CTNNA2: variants seen among roughly 807,000 people sequenced by gnomAD.
CTNNA2 encodes the protein catenin alpha-2.
Under a neutral mutation model 101.0 loss-of-function variants are expected in CTNNA2, and 42 were observed. The ratio of observed to expected loss-of-function variants is 0.42; its 90% CI spans 0.32 to 0.54. The LOEUF is 0.54. Ranked by LOEUF, CTNNA2 falls within the 20% of genes least tolerant of loss-of-function variation. The pLI is 0.14. For synonymous variants in CTNNA2, 450 were observed against 456.4 expected (o/e 0.99, Z 0.18); for missense variants, 871 against 1,223.1 (o/e 0.71, Z 4.29).
intron 1 of CTNNA2, among the ~76,000 whole-genome samples, chr2:79,616,919 C>A (rs1402396729): frequency 7.2e-6 from 1 of 139,636 alleles, no homozygotes; most frequent in South Asian, 2.5e-4. Context: ...CTTTTTTTTT[C>A]GAGACACAGT....
At chr2:79,855,782 T>C (rs1203718877) in intron 3 of CTNNA2, among the ~76,000 whole-genome samples, 1 of 152,244 alleles carries the variant, frequency 6.6e-6, no homozygotes, top group Admixed American at 6.5e-5. Context: ...AGTGGATCTA[T>C]TTCAACAGTA....
At chr2:80,442,162 C>G (rs1034836282) in intron 9 of CTNNA2, among the ~76,000 whole-genome samples, 3 of 152,194 alleles carry the variant, frequency 2.0e-5, no homozygotes, top group African/African-American at 7.2e-5. Flanking sequence ...CACTGATTAG[C>G]CCATATCTCA....
intron 2 of CTNNA2, among the ~76,000 whole-genome samples, chr2:79,684,911 C>T (rs1185171959): frequency 6.6e-6 from 1 of 152,116 alleles, no homozygotes; most frequent in Non-Finnish European, 1.5e-5. Flanking sequence ...TGAGCTCCGC[C>T]CTCTTTCCCA....
At chr2:79,793,919 C>CACACAGA (rs1302465118) in intron 3 of CTNNA2, among the ~76,000 whole-genome samples, 1 of 149,224 alleles carries the variant, frequency 6.7e-6, no homozygotes, top group Non-Finnish European at 1.5e-5. Flanking sequence ...CACACACACA[C>CACACAGA]AGAAGAAGGA....
intron 9 of CTNNA2, among the ~76,000 whole-genome samples, chr2:80,434,226 G>A (rs1681813710): frequency 6.6e-6 from 1 of 152,158 alleles, no homozygotes; most frequent in Non-Finnish European, 1.5e-5. Flanking sequence ...TAGAAATGAA[G>A]AGAGGTTTTC....
chr2:79,941,316 A>G (rs890402924), intron 7 of CTNNA2, among the ~76,000 whole-genome samples: 2 of 152,166 alleles, frequency 1.3e-5, no homozygotes, highest in Non-Finnish European at 2.9e-5. Context: ...CTATTTCAGG[A>G]CAGATTGCAT....
intron 7 of CTNNA2, among the ~76,000 whole-genome samples, chr2:80,075,888 A>G (rs1698714305): frequency 6.6e-6 from 1 of 151,300 alleles, no homozygotes; most frequent in Non-Finnish European, 1.5e-5. Flanking sequence ...AATAGACTTC[A>G]TTGACTATGA....
At chr2:79,452,156 A>T (rs919008710) in intron 4 of CTNNA2, among the ~76,000 whole-genome samples, 1 of 152,162 alleles carries the variant, frequency 6.6e-6, no homozygotes, top group African/African-American at 2.4e-5. Context: ...TATTAATAAT[A>T]TGTCCCTTTA....
chr2:79,509,773 T>C (rs1296589419), upstream of CTNNA2, among the ~76,000 whole-genome samples: 3 of 152,212 alleles, frequency 2.0e-5, no homozygotes, highest in East Asian at 5.8e-4. Flanking sequence ...GATGTGTCAA[T>C]ATAGGTTCAC....
intron 3 of CTNNA2, among the ~76,000 whole-genome samples, chr2:79,345,664 GT>G (rs1190813829): frequency 2.0e-5 from 3 of 152,082 alleles, no homozygotes; most frequent in East Asian, 1.9e-4. Context: ...AAATTGTGGG[GT>G]TTTTTGTTTG....
intron 7 of CTNNA2, among the ~76,000 whole-genome samples, chr2:79,935,964 C>T (rs1028250966): frequency 2.6e-5 from 4 of 152,176 alleles, no homozygotes; most frequent in Non-Finnish European, 4.4e-5. Flanking sequence ...ATGCTGCAAC[C>T]GTTTCCCGTG....
At chr2:80,297,412 C>T (rs1675843391) in intron 7 of CTNNA2, among the ~76,000 whole-genome samples, 1 of 152,190 alleles carries the variant, frequency 6.6e-6, no homozygotes, top group South Asian at 2.1e-4. Flanking sequence ...TAGCACCTCC[C>T]TCACTTATTG....
intron 7 of CTNNA2, chr2:80,305,246 G>C: frequency 1.0e-6 from 1 of 985,254 alleles, no homozygotes; most frequent in South Asian, 4.7e-5. Context: ...GAGGTGGAGA[G>C]GGGAAATGCT....
intron 2 of CTNNA2, among the ~76,000 whole-genome samples, chr2:79,265,423 G>C (rs998493178): frequency 1.3e-5 from 2 of 152,224 alleles, no homozygotes; most frequent in Non-Finnish European, 2.9e-5. Flanking sequence ...GTACTGTCTA[G>C]AAATCATTGA....
At chr2:79,563,972 A>T (rs1403688680) in intron 1 of CTNNA2, among the ~76,000 whole-genome samples, 2 of 152,114 alleles carry the variant, frequency 1.3e-5, no homozygotes, top group African/African-American at 4.8e-5. Context: ...GACCATCTCC[A>T]GGATGCATTA....
chr2:79,380,310 A>G (rs192303317), intron 4 of CTNNA2, among the ~76,000 whole-genome samples: 1 of 149,966 alleles, frequency 6.7e-6, no homozygotes, highest in African/African-American at 2.5e-5. Context: ...TTGTTCAGGG[A>G]TGAGAGGTTT....
At chr2:80,603,358 T>C (rs1697720645) in intron 15 of CTNNA2, among the ~76,000 whole-genome samples, 2 of 152,126 alleles carry the variant, frequency 1.3e-5, no homozygotes, top group South Asian at 4.2e-4. Context: ...TATGAAAATA[T>C]TAGGGTGATG....
intron 1 of CTNNA2, among the ~76,000 whole-genome samples, chr2:79,189,173 G>A (rs886716945): frequency 5.3e-5 from 8 of 152,046 alleles, no homozygotes; most frequent in Non-Finnish European, 8.8e-5. Context: ...ATTCACTTCC[G>A]TTTATAACAC....
At chr2:79,994,543 A>G (rs1171647984) in intron 7 of CTNNA2, among the ~76,000 whole-genome samples, 4 of 152,100 alleles carry the variant, frequency 2.6e-5, no homozygotes, top group African/African-American at 9.7e-5. Context: ...ACATGGTGGC[A>G]AGATTACTTA....
Sources: allele counts gnomAD v4.1 joint callset (sites outside exome capture counted in the v4.1 genomes callset), GRCh38; gene constraint gnomAD v4.1.1; transcripts MANE v1.5; gene names NCBI Gene and HGNC (gene_info 2026-07-23, HGNC 2026-07-21).